The following RBFOX1 variants were observed in gnomAD, a reference collection of about 807,000 sequenced individuals.
The protein encoded by RBFOX1 is RNA binding fox-1 homolog 1.
RBFOX1 carries 8 observed loss-of-function variants against 57.7 expected under a neutral mutation model. The observed-to-expected ratio is 0.14, with a 90% CI of 0.08 to 0.25. The LOEUF is 0.25. Among genes scored for constraint, RBFOX1 ranks in the 10% least tolerant of loss-of-function variants. The pLI is 1.00. For synonymous variants in RBFOX1, 326 were observed against 222.4 expected, an observed-to-expected ratio of 1.47 and a Z score of -4.15; for missense variants, 611 against 548.5, an observed-to-expected ratio of 1.11 and a Z score of -1.14.
intron 2 of RBFOX1, among the ~76,000 whole-genome samples, chr16:6,320,741 T>G (rs573507299): frequency 4.0e-5 from 6 of 151,884 alleles, no homozygotes; most frequent in Admixed American, 1.3e-4. Context: ...GAAAACTAAC[T>G]GAAAACTAAG....
intron 11 of RBFOX1, among the ~76,000 whole-genome samples, chr16:7,640,152 C>A (rs1158806398): frequency 1.3e-5 from 2 of 152,190 alleles, no homozygotes; most frequent in Non-Finnish European, 2.9e-5. Context: ...CAACCACTAC[C>A]CCCAACTTCT....
intron 1 of RBFOX1, among the ~76,000 whole-genome samples, chr16:6,315,974 G>A (rs565433563): frequency 3.1e-4 from 47 of 152,032 alleles, no homozygotes; most frequent in Non-Finnish European, 5.7e-4. Flanking sequence ...TAGGAAAGGG[G>A]GTATATTGTC....
At chr16:5,436,766 A>G (rs2067930679) in intron 1 of RBFOX1, among the ~76,000 whole-genome samples, 1 of 152,144 alleles carries the variant, frequency 6.6e-6, no homozygotes, top group African/African-American at 2.4e-5. Context: ...TGAACCCAGG[A>G]AGCGGAGGTT....
intron 4 of RBFOX1, among the ~76,000 whole-genome samples, chr16:7,490,400 A>G (rs2066617243): frequency 6.6e-6 from 1 of 152,136 alleles, no homozygotes; most frequent in Admixed American, 6.5e-5. Context: ...GCTTGTAGCT[A>G]CTCACTAGAG....
chr16:6,572,814 G>A (rs1016711240), intron 2 of RBFOX1, among the ~76,000 whole-genome samples: 3 of 152,012 alleles, frequency 2.0e-5, no homozygotes, highest in Admixed American at 6.6e-5. Context: ...CGCTGGCCTC[G>A]AACTCCTGAC....
At chr16:6,157,426 C>G (rs928164684) in intron 1 of RBFOX1, among the ~76,000 whole-genome samples, 4 of 152,068 alleles carry the variant, frequency 2.6e-5, no homozygotes, top group African/African-American at 9.7e-5. Flanking sequence ...TCATGAAGGC[C>G]TACTTACACC....
At chr16:6,847,015 G>A (rs192305602) in intron 3 of RBFOX1, among the ~76,000 whole-genome samples, 15 of 152,180 alleles carry the variant, frequency 9.9e-5, no homozygotes, top group African/African-American at 2.6e-4. Flanking sequence ...AAAGGGGAAG[G>A]TGTTAAATCC....
intron 3 of RBFOX1, among the ~76,000 whole-genome samples, chr16:6,960,053 A>G (rs1368411401): frequency 7.2e-5 from 11 of 152,140 alleles, no homozygotes; most frequent in African/African-American, 2.7e-4. Flanking sequence ...GAAACATGAC[A>G]AGATAATAAA....
chr16:7,290,054 A>G (rs566913174), intron 4 of RBFOX1, among the ~76,000 whole-genome samples: 1 of 152,316 alleles, frequency 6.6e-6, no homozygotes, highest in East Asian at 1.9e-4. Context: ...CCAGGGTTAC[A>G]TGGCACACCA....
chr16:6,873,223 T>G (rs2061259145), intron 3 of RBFOX1, among the ~76,000 whole-genome samples: 1 of 152,184 alleles, frequency 6.6e-6, no homozygotes, highest in African/African-American at 2.4e-5. Flanking sequence ...CTTTTTCATT[T>G]ATGTAAATAA....
chr16:7,066,798 T>G (rs11077131), intron 4 of RBFOX1, among the ~76,000 whole-genome samples: 7,648 of 152,236 alleles, frequency 0.05, 323 homozygotes, highest in East Asian at 0.2. Context: ...CACAAAGGTT[T>G]GGTTCAATAA....
At chr16:5,621,561 G>T (rs547487106) in intron 3 of RBFOX1, among the ~76,000 whole-genome samples, 1 of 152,244 alleles carries the variant, frequency 6.6e-6, no homozygotes, top group South Asian at 2.1e-4. Context: ...ATAGAAGGTG[G>T]GATGTAGGCA....
At chr16:7,025,923 C>T (rs1023387442) in intron 3 of RBFOX1, among the ~76,000 whole-genome samples, 7 of 152,016 alleles carry the variant, frequency 4.6e-5, no homozygotes, top group Non-Finnish European at 8.8e-5. Context: ...AGACCCCTCT[C>T]GGGAGCTCCC....
At chr16:6,773,421 G>C (rs2154215478) in intron 3 of RBFOX1, among the ~76,000 whole-genome samples, 1 of 146,240 alleles carries the variant, frequency 6.8e-6, no homozygotes, top group Non-Finnish European at 1.5e-5. Flanking sequence ...GTATGTGTGG[G>C]AGTTGGGTGC....
chr16:6,622,557 C>G (rs914966574), intron 2 of RBFOX1, among the ~76,000 whole-genome samples: 1 of 152,016 alleles, frequency 6.6e-6, no homozygotes, highest in African/African-American at 2.4e-5. Flanking sequence ...AATCACCTAA[C>G]GATGCATTTC....
chr16:6,145,079 T>C (rs1260860128), intron 1 of RBFOX1, among the ~76,000 whole-genome samples: 1 of 152,138 alleles, frequency 6.6e-6, no homozygotes, highest in African/African-American at 2.4e-5. Flanking sequence ...TGCAGGTTTG[T>C]TACACAGGTA....
chr16:5,790,451 AG>A (rs143290512), intron 3 of RBFOX1, among the ~76,000 whole-genome samples: 8 of 149,614 alleles, frequency 5.3e-5, no homozygotes, highest in Admixed American at 2.0e-4. Context: ...AGGAGCTCAA[AG>A]GAAGAAAAAA....
chr16:5,820,004 C>T (rs1255143284), intron 3 of RBFOX1, among the ~76,000 whole-genome samples: 1 of 152,204 alleles, frequency 6.6e-6, no homozygotes, highest in African/African-American at 2.4e-5. Context: ...CAGACCGGGA[C>T]CTCTGGCAGG....
At chr16:7,390,491 C>A (rs538899981) in intron 4 of RBFOX1, among the ~76,000 whole-genome samples, 1 of 152,184 alleles carries the variant, frequency 6.6e-6, no homozygotes, top group Admixed American at 6.5e-5. Context: ...GCCATATCAT[C>A]TGTTCAAAAG....
Sources: allele counts gnomAD v4.1 joint callset (sites outside exome capture counted in the v4.1 genomes callset), GRCh38; gene constraint gnomAD v4.1.1; transcripts MANE v1.5; gene names NCBI Gene and HGNC (gene_info 2026-07-23, HGNC 2026-07-21).